ABCA2: variants seen among roughly 807,000 people sequenced by gnomAD.
The protein encoded by ABCA2 is ATP binding cassette subfamily A member 2.
A neutral mutation model predicts 262.8 loss-of-function variants in ABCA2; 84 were observed. The ratio of observed to expected loss-of-function variants is 0.32; its 90% CI spans 0.27 to 0.38. The LOEUF (loss-of-function observed/expected upper bound fraction) is 0.38. Among genes scored for constraint, ABCA2 ranks in the 10% least tolerant of loss-of-function variants. The pLI is 1.00. For missense variants in ABCA2, 2,662 were observed against 3,405.9 expected, an observed-to-expected ratio of 0.78 and a Z score of 5.44; for synonymous variants, 1,696 against 1,502.9, an observed-to-expected ratio of 1.13 and a Z score of -2.97.
Position 137,021,777 on chromosome 9 carries a change from C to A in ABCA2, c.678+114G>T, listed in dbSNP as rs568471382. On this transcript the variant is annotated intron_variant, in intron 7 of 48. Coordinates refer to ENST00000341511, the MANE Select transcript of ABCA2 (RefSeq NM_001606.5). This position sits in a 1 kb window ranked among gnomAD's most constrained non-coding sequence, Gnocchi z 6.0. ...GCCATAGACCCCTGGGACCCTCCCC[C>A]TCTCCCAGGAGGAGCTCCAAGTCAC... The A allele has an allele frequency of 6.3e-6, 8 of 1,264,324 alleles. No homozygotes were observed. In the South Asian group the frequency reaches 1.1e-4, roughly 17 times the overall value. 78.3% of individuals were successfully genotyped at this position (1,264,324 alleles called of 1,614,324 possible).
chr9:137,012,631 A>C (rs745471498), intron 31 of ABCA2, 41 bp from the exon 32 acceptor site: 1 of 1,610,014 alleles, frequency 6.2e-7, no homozygotes, highest in Non-Finnish European at 8.5e-7. Context: ...CTAGGCAGGC[A>C]GTGAGGCTAG....
In ABCA2 at chr9:137,013,306, C is replaced by A. The variant is rs751657689; in HGVS notation, c.4563G>T (p.Ser1521=). Residue 1521 remains serine (S), a synonymous_variant, in exon 30 of 49, where the codon TCG becomes TCT. Transcript: ENST00000341511. ...EERREYRLRL[S]PDASPQQLVS... ...CGAGCTGCTGGGGGCTGGCGTCGGG[C>A]GATAGCCGCAGCCTGCGGGCACCGA... 1.3e-6 allele frequency: 2 copies of A among 1,555,382 alleles called. No homozygotes were observed. The highest frequency in any genetic ancestry group is 1.7e-6 in the Non-Finnish European group (2 of 1,156,988).
At chr9:137,009,332 G>GGGCCCCCCCC in intron 45 of ABCA2, 38 bp downstream of exon 45, 16 of 980,406 alleles carry the variant, frequency 1.6e-5, no homozygotes, top group Non-Finnish European at 2.5e-5. Context: ...CCCCCCCCGG[G>GGGCCCCCCCC]CCCGCCCCAG....
chr9:137,019,424 C>CTTTTT lies in ABCA2; in HGVS notation c.1426-123_1426-119dup. 2.2e-6 allele frequency: 2 copies of CTTTTT among 906,340 alleles called. No homozygotes were observed. The highest frequency in any genetic ancestry group is 3.1e-6 in the Non-Finnish European group (2 of 638,518). The allele number at this position is 906,340 out of a possible 1,614,324, so 56.1% of individuals were successfully genotyped here. On this transcript the variant is annotated intron_variant, in intron 10 of 48. Transcript: ENST00000341511. This position sits in a 1 kb window ranked among gnomAD's most constrained non-coding sequence, Gnocchi z 4.4. ...ATTGCCAACAACTAACCCTCCCCAC[C>CTTTTT]TTTTTTTTTTTTTTTTTCCTGAGAC...
At chr9:137,016,759 G>A in intron 19 of ABCA2, 21 bp from the exon 20 acceptor site, 4 of 1,540,590 alleles carry the variant, frequency 2.6e-6, no homozygotes, top group Non-Finnish European at 3.5e-6. Flanking sequence ...GGGAGGGGAG[G>A]GGAGGCTGAC....
At chr9:137,025,247 C>A (rs536608258) in intron 1 of ABCA2, among the ~76,000 whole-genome samples, 1 of 152,266 alleles carries the variant, frequency 6.6e-6, no homozygotes, top group African/African-American at 2.4e-5. Context: ...CACCTGAAAA[C>A]CAAGGACTTT....
rs573874522 is a variant in ABCA2, at chr9:137,011,821, C to T, written c.5535+23G>A. ...ATGGGGGATGAGAAGGGCCGGGGCA[C>T]CCCATGGCCACGCCGGGCGCACCAT... is the stretch of plus-strand genomic sequence containing the variant. On this transcript the variant is annotated intron_variant, in intron 35 of 48. Coordinates refer to ENST00000341511, the MANE Select transcript of ABCA2 (RefSeq NM_001606.5). This position sits in a 1 kb window ranked among gnomAD's most constrained non-coding sequence, Gnocchi z 8.8. 1.2e-4 allele frequency: 180 copies of T among 1,561,918 alleles called. 1 individual carries two copies. The South Asian group carries it at 2.0e-3, about 17-fold the overall frequency.
chr9:137,013,530 T>C lies in ABCA2; in HGVS notation c.4481A>G (p.Gln1494Arg). The part of the protein sequence containing the change: ...DLPPLVLSPS[Q>R]YHNYTQPRGN... Reference sequence around the variant, plus strand: ...ACGGGGCTGGGTGTAGTTGTGGTACTGGGAAGGTGACAGGACCAGCGGGGG... The same window carrying C: ...ACGGGGCTGGGTGTAGTTGTGGTACCGGGAAGGTGACAGGACCAGCGGGGG... Residue 1494 changes from glutamine (Q) to arginine (R), a missense_variant, in exon 29 of 49, where the codon CAG becomes CGG. Physicochemically the swap from Gln to Arg is conservative, Grantham distance 43. Around this residue, in one of 12 missense-constraint regions of ABCA2, gnomAD observed 75 missense variants for 118.3 expected, o/e 0.63. Transcript: ENST00000341511. The C allele has an allele frequency of 6.2e-7, 1 of 1,610,266 alleles. No individual in the cohort carries two copies. Among genetic ancestry groups the C allele is most frequent in the Non-Finnish European group, 8.5e-7 (1 of 1,179,440 alleles).
chr9:137,020,786 T>C lies in ABCA2; in HGVS notation c.1173A>G (p.Ala391=). The C allele has an allele frequency of 6.3e-7, 1 of 1,591,874 alleles. No individual in the cohort carries two copies. The highest frequency in any genetic ancestry group is 1.1e-5 in the South Asian group (1 of 89,194). Residue 391 remains alanine (A), a synonymous_variant, in exon 9 of 49, where the codon GCA becomes GCG. Transcript: ENST00000341511. ...GCAGCGTGTCCGGGGTGGCCAGTGCTGCAGCAGAGGGTGCGCCCTCCTCAG... is the reference window on the plus strand; with the variant it reads ...GCAGCGTGTCCGGGGTGGCCAGTGCCGCAGCAGAGGGTGCGCCCTCCTCAG... ...ATAEEGAPSA[A]ALATPDTLQG... is the part of the protein sequence containing the mutation.
chr9:137,011,274 G>A lies in ABCA2; in HGVS notation c.5835C>T (p.Cys1945=). The A allele has an allele frequency of 6.2e-7, 1 of 1,612,574 alleles. No individual in the cohort carries two copies. Among genetic ancestry groups the A allele is most frequent in the Non-Finnish European group, 8.5e-7 (1 of 1,179,856 alleles). Residue 1945 remains cysteine (C), a synonymous_variant, in exon 38 of 49, where the codon TGC becomes TGT. Transcript: ENST00000341511. This position sits in a 1 kb window ranked among gnomAD's most constrained non-coding sequence, Gnocchi z 8.8. ...GGTTGTAGTTGGGGAAAATGAGGAA[G>A]CAGCTTTTCAGGTAACTGTTGACAA... The part of the protein sequence containing the change: ...LKVVNSYLKS[C]FLIFPNYNLG...
intron 4 of ABCA2, 21 bp from the exon 5 acceptor site, chr9:137,022,886 C>T: frequency 6.4e-7 from 1 of 1,565,536 alleles, no homozygotes; most frequent in Middle Eastern, 1.7e-4. Flanking sequence ...GCGGATGTCA[C>T]TCACTGGATG....
Position 137,009,585 on chromosome 9 carries a change from A to G in ABCA2, c.6690T>C (p.Leu2230=), listed in dbSNP as rs7048567. 1,114,700 of 1,612,706 alleles carry G rather than the reference A, an allele frequency of 0.69. 387,159 individuals are homozygous for G. Among genetic ancestry groups the G allele is most frequent in the East Asian group, 0.81 (36,264 of 44,856 alleles). ...CTGAACGCCCTGTCTTGATGAGGTC[A>G]AGGATGAGGTTCCAGAGGAAGCGCC... ...KARRFLWNLI[L]DLIKTGRSVV... is the part of the protein sequence containing the mutation. Residue 2230 remains leucine (L), a synonymous_variant, in exon 44 of 49, where the codon CTT becomes CTC. Coordinates refer to ENST00000341511, the MANE Select transcript of ABCA2 (RefSeq NM_001606.5).
At position 137,017,488 on chromosome 9, in the gene ABCA2, T is replaced by C; in HGVS notation, c.2402+14A>G. ...TGCCTGCCCCAGGTCCCTCCTACCA[T>C]GGCCCGCGCTCACCAGAACATGATG... is the stretch of plus-strand genomic sequence containing the variant. On this transcript the variant is annotated intron_variant, in intron 17 of 48. Coordinates refer to ENST00000341511, the MANE Select transcript of ABCA2 (RefSeq NM_001606.5). 4 of 1,602,164 alleles carry C rather than the reference T, an allele frequency of 2.5e-6. No individual in the cohort carries two copies. In the South Asian group the frequency reaches 4.4e-5, roughly 18 times the overall value.
Position 137,009,130 on chromosome 9 carries a change from A to G in ABCA2, c.6828-77T>C, listed in dbSNP as rs1322022736. The stretch of plus-strand genomic sequence containing the variant: ...CAGCCCCCCAGCCTCCCAGCCCTAC[A>G]GCCCCCACAGGCACCCCAGGAAGCC... On this transcript the variant is annotated intron_variant, in intron 45 of 48. Transcript: ENST00000341511. 5 of 1,263,974 alleles carry G rather than the reference A, an allele frequency of 4.0e-6. No individual in the cohort carries two copies. In the Admixed American group the frequency reaches 1.1e-4, roughly 29 times the overall value. The allele number at this position is 1,263,974 out of a possible 1,614,324, so 78.3% of individuals were successfully genotyped here.
upstream of ABCA2, chr9:137,028,424 C>G (rs896280851): frequency 5.3e-6 from 2 of 377,734 alleles, no homozygotes; most frequent in Admixed American, 1.3e-4. This position sits in a 1 kb window ranked among gnomAD's most constrained non-coding sequence, Gnocchi z 6.9. Context: ...AGACCCTGCG[C>G]GCGCCGCCGC....
Position 137,012,776 on chromosome 9 carries a change from C to T in ABCA2, c.5017G>A (p.Asp1673Asn), listed in dbSNP as rs752850115. 1.9e-5 allele frequency: 30 copies of T among 1,612,542 alleles called. No homozygotes were observed. The highest frequency in any genetic ancestry group is 4.0e-5 in the African/African-American group (3 of 74,944). ...MRVVTGDILT[D>N]ITGHNVSEYL... ...TCAGAGACATTGTGGCCGGTGATGT[C>T]GGTCAGGATGTCGCCTGTGACCACC... is the stretch of plus-strand genomic sequence containing the variant. Residue 1673 changes from aspartate to asparagine, a missense_variant, in exon 31 of 49, where the codon GAC becomes AAC. Transcript: ENST00000341511.
Position 137,010,217 on chromosome 9 carries a change from C to T in ABCA2, c.6329G>A (p.Gly2110Asp), listed in dbSNP as rs756480750. Residue 2110 changes from glycine (G) to aspartate (D), a missense_variant, in exon 41 of 49, where the codon GGC (glycine) becomes GAC (aspartate). Gly to Asp is a moderately conservative substitution (Grantham distance 94). Around this residue, in one of 12 missense-constraint regions of ABCA2, gnomAD observed 602 missense variants for 897.4 expected, o/e 0.67. Coordinates refer to ENST00000341511, the MANE Select transcript of ABCA2 (RefSeq NM_001606.5). ...CCTGTGTCCATTGACGAAGGCCTCG[C>T]CCCCCGTCGTGCTCTCGTCGCCGGT... ...MLTGDESTTGGEAFVNGHSVL... is the reference protein window; with the variant it reads ...MLTGDESTTGDEAFVNGHSVL... The T allele has an allele frequency of 1.2e-6, 2 of 1,604,840 alleles. No individual in the cohort carries two copies. Among genetic ancestry groups the T allele is most frequent in the South Asian group, 2.2e-5 (2 of 90,484 alleles).
rs942264339 is a variant in ABCA2, at chr9:137,020,939, C to A, written c.1020G>T (p.Leu340=). 6.4e-7 allele frequency: 1 copy of A among 1,565,586 alleles called. No individual in the cohort carries two copies. The highest frequency in any genetic ancestry group is 1.3e-5 in the African/African-American group (1 of 74,310). Reference sequence around the variant, plus strand: ...GGGGCAGTAGCAGGGCCAGGGCCGACAGGACATCCACATCCTGCAGAACCT... The same window carrying A: ...GGGGCAGTAGCAGGGCCAGGGCCGAAAGGACATCCACATCCTGCAGAACCT... The part of the protein sequence containing the change: ...AQKVLQDVDV[L]SALALLLPQG... The change falls in exon 9 of 49, where the codon CTG becomes CTT. Residue 340 remains leucine, a synonymous_variant. Coordinates refer to ENST00000341511, the MANE Select transcript of ABCA2 (RefSeq NM_001606.5).
chr9:137,024,781 C>T (rs1831593802), intron 1 of ABCA2, among the ~76,000 whole-genome samples: 1 of 151,740 alleles, frequency 6.6e-6, no homozygotes, highest in South Asian at 2.1e-4. Flanking sequence ...AGCCCCAGTC[C>T]CTGAAGCAAA....
Sources: allele counts gnomAD v4.1 joint callset (sites outside exome capture counted in the v4.1 genomes callset), GRCh38; gene constraint gnomAD v4.1.1; regional missense constraint gnomAD v4.1.1; non-coding constraint Gnocchi (gnomAD v3.1); transcripts MANE v1.5; gene names NCBI Gene and HGNC (gene_info 2026-07-23, HGNC 2026-07-21).